The following PCSK5 variants were observed in gnomAD, a reference collection of about 807,000 sequenced individuals.
PCSK5 encodes the protein prohormone convertase 5.
In PCSK5, 129 loss-of-function variants were observed where a neutral mutation model predicts 233.2. The observed-to-expected ratio is 0.55, with a 90% CI of 0.48 to 0.64. The LOEUF (loss-of-function observed/expected upper bound fraction) is 0.64. Ranked by LOEUF, PCSK5 falls within the 30% of genes least tolerant of loss-of-function variation. PCSK5 has a pLI of 0.00. For missense variants in PCSK5, 2,076 were observed against 2,430.1 expected (o/e 0.85, Z 3.06); for synonymous variants, 825 against 879.2 (o/e 0.94, Z 1.09).
chr9:76,181,569 T>C lies in PCSK5; in HGVS notation c.2175T>C (p.Pro725=). The C allele has an allele frequency of 1.9e-6, 3 of 1,613,038 alleles. No homozygotes were observed. Among genetic ancestry groups the C allele is most frequent in the Non-Finnish European group, 2.5e-6 (3 of 1,179,222 alleles). The change falls in exon 16 of 38, where the codon CCT becomes CCC. Residue 725 remains proline, a synonymous_variant. Transcript: ENST00000674117. ...EETNSCVTHC[P]DGSYQDTKKN... Reference sequence around the variant, plus strand: ...CCAACAGCTGTGTTACTCACTGCCCTGATGGGTCATATCAGGATACCAGTA... The same window carrying C: ...CCAACAGCTGTGTTACTCACTGCCCCGATGGGTCATATCAGGATACCAGTA...
chr9:75,916,715 G>T (rs534469172), intron 1 of PCSK5, among the ~76,000 whole-genome samples: 1 of 152,256 alleles, frequency 6.6e-6, no homozygotes, highest in East Asian at 1.9e-4. Flanking sequence ...GGTGTTAGGG[G>T]ATGATGTTAG....
At chr9:76,076,599 G>A (rs1830654062) in intron 7 of PCSK5, among the ~76,000 whole-genome samples, 1 of 152,164 alleles carries the variant, frequency 6.6e-6, no homozygotes, top group Non-Finnish European at 1.5e-5. Context: ...TCCAAGTATT[G>A]ATTGCATCCA....
intron 2 of PCSK5, among the ~76,000 whole-genome samples, chr9:75,951,657 C>T (rs1824861677): frequency 6.6e-6 from 1 of 152,026 alleles, no homozygotes; most frequent in African/African-American, 2.4e-5. Flanking sequence ...ACAATCAGAC[C>T]TCCTTATCCA....
At chr9:76,193,590 A>C in intron 20 of PCSK5, 1 of 410,856 alleles carries the variant, frequency 2.4e-6, no homozygotes, top group Non-Finnish European at 4.3e-6. Context: ...CTGGGTGTTT[A>C]GTGCTAAACA....
At chr9:75,941,141 G>A (rs925678310) in intron 2 of PCSK5, among the ~76,000 whole-genome samples, 11 of 152,178 alleles carry the variant, frequency 7.2e-5, no homozygotes, top group African/African-American at 2.4e-4. Flanking sequence ...TCCAGCGGGC[G>A]CTCCTGGGTG....
intron 32 of PCSK5, among the ~76,000 whole-genome samples, chr9:76,323,755 C>T (rs890630591): frequency 5.9e-5 from 9 of 152,148 alleles, no homozygotes; most frequent in Non-Finnish European, 1.0e-4. Flanking sequence ...TGACAAATCA[C>T]GTGGACCTTC....
intron 25 of PCSK5, among the ~76,000 whole-genome samples, chr9:76,293,935 G>A (rs1460166698): frequency 6.6e-6 from 1 of 152,238 alleles, no homozygotes; most frequent in Non-Finnish European, 1.5e-5. Context: ...GTTGGCTCAC[G>A]CCTGTAATCC....
In PCSK5 at chr9:76,100,737, A is replaced by G. The variant is rs368908753; in HGVS notation, c.1107+4635A>G. Among the ~76,000 whole-genome samples the G allele has an allele frequency of 3.3e-5, 5 of 152,184 alleles. No individual in the cohort carries two copies. The East Asian group carries it at 9.6e-4, about 29-fold the overall frequency. On this transcript the variant is annotated intron_variant, in intron 8 of 37. Coordinates refer to ENST00000674117, the MANE Select transcript of PCSK5 (RefSeq NM_001372043.1). ...ACATTTCCATTGTTTTTCACTATTT[A>G]GTCTCCTCATTTTGAATTTCATTCC...
intron 7 of PCSK5, among the ~76,000 whole-genome samples, chr9:76,077,162 A>G (rs560852904): frequency 3.9e-5 from 6 of 152,054 alleles, no homozygotes; most frequent in Admixed American, 6.6e-5. Flanking sequence ...CTGACCTTCC[A>G]TCTTTATCTG....
intron 9 of PCSK5, among the ~76,000 whole-genome samples, chr9:76,130,038 G>T (rs1334282739): frequency 6.6e-6 from 1 of 152,110 alleles, no homozygotes; most frequent in Non-Finnish European, 1.5e-5. Context: ...GAGATGACAA[G>T]TTCATAACAA....
rs187392444 is a variant in PCSK5, at chr9:76,274,746, A to G, written c.3143-17487A>G. On this transcript the variant is annotated intron_variant, in intron 24 of 37. Coordinates refer to ENST00000674117, the MANE Select transcript of PCSK5 (RefSeq NM_001372043.1). ...TTTGTTGTTTTATTTTATTGTATCTACCTGTCTTAGTCCATTTGTATTGCT... is the reference window on the plus strand; with the variant it reads ...TTTGTTGTTTTATTTTATTGTATCTGCCTGTCTTAGTCCATTTGTATTGCT... 5.9e-5 allele frequency among the ~76,000 whole-genome samples: 9 copies of G among 152,242 alleles called. No individual in the cohort carries two copies. The East Asian group carries it at 1.7e-3, about 29-fold the overall frequency.
chr9:75,924,671 T>C (rs1334220201), intron 1 of PCSK5, among the ~76,000 whole-genome samples: 1 of 152,236 alleles, frequency 6.6e-6, no homozygotes, highest in African/African-American at 2.4e-5. Context: ...ATTCTCTTTT[T>C]GCATCTGCTC....
chr9:76,196,617 A>T (rs1175209700), intron 20 of PCSK5, among the ~76,000 whole-genome samples: 2 of 152,232 alleles, frequency 1.3e-5, no homozygotes, highest in Non-Finnish European at 2.9e-5. Context: ...ACAACCAGGT[A>T]TGAGAAAGAG....
intron 10 of PCSK5, among the ~76,000 whole-genome samples, chr9:76,142,168 T>C (rs972116490): frequency 6.6e-6 from 1 of 151,836 alleles, no homozygotes; most frequent in Admixed American, 6.6e-5. Flanking sequence ...TTTTTAAAAG[T>C]ATATCAGGCA....
chr9:76,180,226 G>A (rs1363864002), intron 15 of PCSK5, among the ~76,000 whole-genome samples: 4 of 151,500 alleles, frequency 2.6e-5, no homozygotes, highest in African/African-American at 7.3e-5. Context: ...CACTACTCTC[G>A]TCACAATTTT....
At chr9:75,938,243 T>G (rs1824147341) in intron 2 of PCSK5, among the ~76,000 whole-genome samples, 1 of 152,140 alleles carries the variant, frequency 6.6e-6, no homozygotes, top group African/African-American at 2.4e-5. Context: ...ATTGTAGGGT[T>G]ATTAATTGGC....
chr9:76,093,169 G>A (rs982536026), intron 7 of PCSK5, among the ~76,000 whole-genome samples: 62 of 143,054 alleles, frequency 4.3e-4, no homozygotes, highest in African/African-American at 1.6e-3. Context: ...GTCGTAGCGC[G>A]CTGCAGCCTC....
chr9:75,906,893 G>A (rs1025365207), intron 1 of PCSK5, among the ~76,000 whole-genome samples: 4 of 152,026 alleles, frequency 2.6e-5, no homozygotes, highest in African/African-American at 7.3e-5. Context: ...CAGATATTAC[G>A]CTCAATGCTT....
At chr9:76,047,348 G>A (rs1398656687) in intron 5 of PCSK5, among the ~76,000 whole-genome samples, 1 of 152,058 alleles carries the variant, frequency 6.6e-6, no homozygotes, top group Non-Finnish European at 1.5e-5. Context: ...CGCGCGCCTC[G>A]GCCTCCCAAA....
Sources: gnomAD v4.1 joint callset for allele counts (sites outside exome capture counted in the v4.1 genomes callset) on GRCh38, gnomAD v4.1.1 for gene constraint, MANE v1.5 for transcripts, NCBI Gene and HGNC (gene_info 2026-07-23, HGNC 2026-07-21) for gene names.